MEP1A: variants seen among roughly 807,000 people sequenced by gnomAD.
The protein encoded by MEP1A is meprin A subunit alpha.
A neutral mutation model predicts 84.5 loss-of-function variants in MEP1A; 68 were observed. That is an observed-to-expected ratio of 0.80 (90% CI 0.66 to 0.98). The LOEUF (loss-of-function observed/expected upper bound fraction) is 0.98. Ranked by LOEUF, MEP1A falls within the 50% of genes least tolerant of loss-of-function variation. The pLI is 0.00. For missense variants in MEP1A, 887 were observed against 919.9 expected, an observed-to-expected ratio of 0.96 and a Z score of 0.46; for synonymous variants, 337 against 336.8, an observed-to-expected ratio of 1.00 and a Z score of -0.01.
In MEP1A at chr6:46,802,277, A is replaced by G. The variant is rs189606385; in HGVS notation, c.262+3096A>G. On this transcript the variant is annotated intron_variant, in intron 5 of 13. Transcript: ENST00000230588. Reference sequence around the variant, plus strand: ...ATCTAATCCGTGTTTTATAAATTTCAGTGTAGAGACCTTGTGTGTCTTTGG... The same window carrying G: ...ATCTAATCCGTGTTTTATAAATTTCGGTGTAGAGACCTTGTGTGTCTTTGG... Among the ~76,000 whole-genome samples, 206 of 151,994 alleles carry G rather than the reference A, an allele frequency of 1.4e-3. 1 individual carries two copies. The highest frequency in any genetic ancestry group is 2.4e-3 in the Non-Finnish European group (165 of 67,824).
intron 7 of MEP1A, among the ~76,000 whole-genome samples, chr6:46,822,417 A>G (rs956103631): frequency 6.6e-6 from 1 of 152,194 alleles, no homozygotes; most frequent in Non-Finnish European, 1.5e-5. Flanking sequence ...AGCTCTTAGT[A>G]GACACTAGGC....
In MEP1A at chr6:46,833,290, T is replaced by C. The variant is rs1443629546; in HGVS notation, c.1361T>C (p.Leu454Pro). 2 of 1,614,194 alleles carry C rather than the reference T, an allele frequency of 1.2e-6. No individual in the cohort carries two copies. The highest frequency in any genetic ancestry group is 2.2e-5 in the South Asian group (2 of 91,084). ...VLENTSKGDK[L>P]QSPRFYNSEG... ...GAGAACACCAGCAAAGGGGACAAGC[T>C]TCAGAGCCCTCGATTCTACAATTCG... Residue 454 changes from leucine (L) to proline (P), a missense_variant, in exon 11 of 14, where the codon CTT (leucine) becomes CCT (proline). Transcript: ENST00000230588.
At chr6:46,832,258 T>C (rs1258695583) in intron 10 of MEP1A, among the ~76,000 whole-genome samples, 1 of 152,164 alleles carries the variant, frequency 6.6e-6, no homozygotes. Context: ...TGTAGGCACA[T>C]CTCTTTGCGG....
intron 6 of MEP1A, 76 bp downstream of exon 6, chr6:46,809,613 A>G: frequency 3.4e-6 from 3 of 885,308 alleles, no homozygotes; most frequent in South Asian, 3.0e-5. Context: ...CGAGTCCCCA[A>G]AGTCCAATGT....
At chr6:46,829,297 G>A (rs1177997092) in intron 9 of MEP1A, 59 bp from the exon 10 acceptor site, 5 of 1,431,258 alleles carry the variant, frequency 3.5e-6, no homozygotes, top group Non-Finnish European at 4.9e-6. Flanking sequence ...TTGTTTGGGT[G>A]GACAGAACCC....
intron 5 of MEP1A, 47 bp from the exon 6 acceptor site, chr6:46,809,373 T>C (rs1393119152): frequency 8.4e-7 from 1 of 1,192,128 alleles, no homozygotes; most frequent in African/African-American, 1.5e-5. Context: ...ATAGATATTA[T>C]CTAAGGTCCA....
downstream of MEP1A, among the ~76,000 whole-genome samples, chr6:46,843,131 G>A (rs1003378634): frequency 1.3e-4 from 20 of 152,296 alleles, no homozygotes; most frequent in African/African-American, 4.8e-4. Flanking sequence ...AATATTTTGA[G>A]GTGGGTATTC....
At chr6:46,815,130 G>A (rs1562109815) in intron 6 of MEP1A, among the ~76,000 whole-genome samples, 1 of 152,178 alleles carries the variant, frequency 6.6e-6, no homozygotes. Context: ...TTCTCAGCTG[G>A]TGGGCAAGGC....
intron 4 of MEP1A, 29 bp downstream of exon 4, chr6:46,798,675 T>G (rs1767122246): frequency 6.2e-7 from 1 of 1,606,080 alleles, no homozygotes; most frequent in Middle Eastern, 1.6e-4. Flanking sequence ...TGCAATAAGT[T>G]TCTCAGGACA....
chr6:46,839,125 C>G lies in MEP1A; in HGVS notation c.2230C>G (p.Pro744Ala). The G allele has an allele frequency of 2.5e-6, 4 of 1,612,246 alleles. No homozygotes were observed. The highest frequency in any genetic ancestry group is 3.4e-6 in the Non-Finnish European group (4 of 1,179,626). ...CATCATCGCCATCCTTTCCCAAAGGCCAAGGAAGTGACCTGCCTGCTGGCA... is the reference window on the plus strand; with the variant it reads ...CATCATCGCCATCCTTTCCCAAAGGGCAAGGAAGTGACCTGCCTGCTGGCA... ...FSIIAILSQR[P>A]RK Residue 744 changes from proline (P) to alanine (A), a missense_variant, in exon 14 of 14, where the codon CCA (proline) becomes GCA (alanine). By Grantham distance (27) the Pro-to-Ala change is conservative. Transcript: ENST00000230588.
chr6:46,819,439 A>C, intron 6 of MEP1A, 90 bp from the exon 7 acceptor site: 1 of 1,062,760 alleles, frequency 9.4e-7, no homozygotes. Context: ...ATCAAGCCTA[A>C]TTTCCTCCTA....
chr6:46,824,784 G>T (rs1581682204), intron 7 of MEP1A, among the ~76,000 whole-genome samples: 1 of 61,530 alleles, frequency 1.6e-5, no homozygotes, highest in East Asian at 3.5e-4. Context: ...TATTTAAATA[G>T]ATGTATTTAA....
chr6:46,829,651 C>T, intron 10 of MEP1A, 80 bp downstream of exon 10: 6 of 982,210 alleles, frequency 6.1e-6, no homozygotes, highest in Non-Finnish European at 9.8e-6. Context: ...CCTCTTTCCT[C>T]CTACTCCTCC....
At chr6:46,802,985 ATATCT>A (rs1767227450) in intron 5 of MEP1A, among the ~76,000 whole-genome samples, 1 of 151,638 alleles carries the variant, frequency 6.6e-6, no homozygotes, top group Non-Finnish European at 1.5e-5. Flanking sequence ...CCTTTTTGTA[ATATCT>A]TTATTAGGCT....
At chr6:46,836,416 CT>C (rs568258094) in intron 13 of MEP1A, among the ~76,000 whole-genome samples, 401 of 152,078 alleles carry the variant, frequency 2.6e-3, no homozygotes, top group African/African-American at 9.2e-3. Flanking sequence ...TTTTAGTCTC[CT>C]TTTTTTTCTC....
At chr6:46,832,481 A>C (rs922964598) in intron 10 of MEP1A, among the ~76,000 whole-genome samples, 2 of 152,208 alleles carry the variant, frequency 1.3e-5, no homozygotes, top group Admixed American at 1.3e-4. Flanking sequence ...TCCAGACAAT[A>C]GTACTCTATT....
At chr6:46,800,863 C>A (rs544655939) in intron 5 of MEP1A, among the ~76,000 whole-genome samples, 11 of 152,170 alleles carry the variant, frequency 7.2e-5, no homozygotes, top group African/African-American at 2.6e-4. Flanking sequence ...ATTAGTTTTG[C>A]CTGATTTACA....
intron 10 of MEP1A, among the ~76,000 whole-genome samples, chr6:46,830,439 G>C (rs1365350208): frequency 6.6e-6 from 1 of 152,054 alleles, no homozygotes; most frequent in African/African-American, 2.4e-5. Context: ...GTGTCACTTT[G>C]TATATTTATA....
At chr6:46,824,931 AAT>A (rs1462796691) in intron 7 of MEP1A, among the ~76,000 whole-genome samples, 5 of 117,242 alleles carry the variant, frequency 4.3e-5, no homozygotes, top group East Asian at 2.2e-4. Context: ...GATCTATTTA[AAT>A]ATATATAAAT....
Sources: allele counts gnomAD v4.1 joint callset (sites outside exome capture counted in the v4.1 genomes callset), GRCh38; gene constraint gnomAD v4.1.1; transcripts MANE v1.5; gene names NCBI Gene and HGNC (gene_info 2026-07-23, HGNC 2026-07-21).